ZNF385B: variants seen among roughly 807,000 people sequenced by gnomAD.
ZNF385B encodes zinc finger protein 385B.
ZNF385B carries 23 observed loss-of-function variants against 39.2 expected under a neutral mutation model. That is an observed-to-expected ratio of 0.59 (90% CI 0.42 to 0.83). The LOEUF (loss-of-function observed/expected upper bound fraction) is 0.83, where lower values mean the gene tolerates loss of function less well. Ranked by LOEUF, ZNF385B falls within the 40% of genes least tolerant of loss-of-function variation. The probability of loss-of-function intolerance (pLI) is 0.00; values close to 1 mark genes in which losing one functional copy is unlikely to be tolerated. For synonymous variants in ZNF385B, 205 were observed against 222.6 expected (o/e 0.92, Z 0.70); for missense variants, 552 against 598.9 (o/e 0.92, Z 0.82).
At chr2:179,675,791 ATT>A (rs55819457) in intron 3 of ZNF385B, among the ~76,000 whole-genome samples, 19,404 of 142,488 alleles carry the variant, frequency 0.14, 1,900 homozygotes, top group African/African-American at 0.28. Context: ...ACTGACAGTA[ATT>A]TTTTTTTTTT....
chr2:179,835,918 C>T (rs1708223433), intron 1 of ZNF385B, among the ~76,000 whole-genome samples: 1 of 152,144 alleles, frequency 6.6e-6, no homozygotes, highest in Admixed American at 6.5e-5. Flanking sequence ...ATGAGATACA[C>T]CCTCTTCACA....
rs570428778 is a variant in ZNF385B at position 179,735,051 on chromosome 2, A to C, written c.298+34452T>G. On this transcript the variant is annotated intron_variant, in intron 3 of 9. Coordinates refer to ENST00000410066, the MANE Select transcript of ZNF385B (RefSeq NM_152520.6). ...CAAATGGGATCTAATTAAACTAAAG[A>C]GCTTCTGCACAGCAAAAGAAACTAC... Among the ~76,000 whole-genome samples the C allele has an allele frequency of 1.3e-3, 199 of 152,094 alleles. 4 individuals carry two copies. Among genetic ancestry groups the C allele is most frequent in the Admixed American group, 6.5e-3 (100 of 15,288 alleles).
chr2:179,667,172 A>G (rs1309644453), intron 3 of ZNF385B, among the ~76,000 whole-genome samples: 1 of 152,190 alleles, frequency 6.6e-6, no homozygotes, highest in East Asian at 1.9e-4. Flanking sequence ...AGATATTGAT[A>G]TGCTATTTCT....
intron 1 of ZNF385B, among the ~76,000 whole-genome samples, chr2:179,813,062 T>C (rs1433677275): frequency 6.6e-6 from 1 of 152,174 alleles, no homozygotes; most frequent in Non-Finnish European, 1.5e-5. Context: ...TAGTCACATT[T>C]AAAAATATTT....
chr2:179,778,040 G>A (rs1217600002), intron 1 of ZNF385B, among the ~76,000 whole-genome samples: 2 of 152,056 alleles, frequency 1.3e-5, no homozygotes, highest in East Asian at 1.9e-4. Context: ...CTGTCAAGAG[G>A]TTTTTTTTAA....
intron 4 of ZNF385B, among the ~76,000 whole-genome samples, chr2:179,532,713 C>T (rs1040061239): frequency 1.3e-5 from 2 of 152,156 alleles, no homozygotes; most frequent in Non-Finnish European, 2.9e-5. Flanking sequence ...AATACCTACA[C>T]CTGACAACAC....
At chr2:179,564,576 C>A (rs1684337854) in intron 3 of ZNF385B, among the ~76,000 whole-genome samples, 1 of 152,146 alleles carries the variant, frequency 6.6e-6, no homozygotes, top group South Asian at 2.1e-4. Context: ...CTTTTAACTT[C>A]TTTTAGAGTA....
chr2:179,464,095 T>C (rs2051686142), intron 6 of ZNF385B, among the ~76,000 whole-genome samples: 1 of 152,242 alleles, frequency 6.6e-6, no homozygotes, highest in Non-Finnish European at 1.5e-5. Context: ...ATTTCTCTAA[T>C]GACCAGTGAT....
intron 1 of ZNF385B, among the ~76,000 whole-genome samples, chr2:179,821,787 C>T (rs147043826): frequency 4.7e-4 from 71 of 152,080 alleles, no homozygotes; most frequent in African/African-American, 1.7e-3. Flanking sequence ...AAGCAGAAGT[C>T]CCCAAGGAAA....
At chr2:179,606,615 C>T (rs1344064683) in intron 3 of ZNF385B, among the ~76,000 whole-genome samples, 1 of 152,088 alleles carries the variant, frequency 6.6e-6, no homozygotes, top group African/African-American at 2.4e-5. Flanking sequence ...TTAATAGCTA[C>T]ATGTCATTCT....
chr2:179,787,598 A>C (rs28420148), intron 1 of ZNF385B, among the ~76,000 whole-genome samples: 21,237 of 152,052 alleles, frequency 0.14, 1,910 homozygotes, highest in East Asian at 0.49. Flanking sequence ...AAGATAATAG[A>C]ATGAAAGCTT....
chr2:179,584,864 T>A (rs1254793921), intron 3 of ZNF385B, among the ~76,000 whole-genome samples: 1 of 151,588 alleles, frequency 6.6e-6, no homozygotes, highest in South Asian at 2.1e-4. Context: ...CCAGGGAGAG[T>A]GTAGTGTTTG....
chr2:179,753,749 A>G (rs1352640566), intron 3 of ZNF385B, among the ~76,000 whole-genome samples: 1 of 152,214 alleles, frequency 6.6e-6, no homozygotes, highest in Non-Finnish European at 1.5e-5. Context: ...TTATTGGTGT[A>G]TAAGAATGCT....
intron 3 of ZNF385B, among the ~76,000 whole-genome samples, chr2:179,562,960 G>T (rs999837908): frequency 2.6e-5 from 4 of 152,048 alleles, no homozygotes; most frequent in Non-Finnish European, 5.9e-5. Flanking sequence ...TTTATATTCT[G>T]TTAGACTAGA....
chr2:179,690,390 T>A (rs1458401321), intron 3 of ZNF385B, among the ~76,000 whole-genome samples: 1 of 152,192 alleles, frequency 6.6e-6, no homozygotes, highest in Admixed American at 6.5e-5. Flanking sequence ...CATACTCAAG[T>A]CTCACAGTTG....
At chr2:179,543,551 A>G (rs1397498114) in intron 4 of ZNF385B, among the ~76,000 whole-genome samples, 1 of 152,208 alleles carries the variant, frequency 6.6e-6, no homozygotes, top group African/African-American at 2.4e-5. Flanking sequence ...ATTCTTTGAA[A>G]TGGCGTAATG....
intron 3 of ZNF385B, among the ~76,000 whole-genome samples, chr2:179,739,347 T>A (rs1701951884): frequency 6.6e-6 from 1 of 152,172 alleles, no homozygotes; most frequent in South Asian, 2.1e-4. Flanking sequence ...ATGAGGTACC[T>A]CGGGGTTTAT....
intron 5 of ZNF385B, among the ~76,000 whole-genome samples, chr2:179,491,487 TTGA>T (rs2055223002): frequency 1.3e-5 from 2 of 152,168 alleles, no homozygotes; most frequent in Non-Finnish European, 2.9e-5. Flanking sequence ...AATAATGCAC[TTGA>T]TGAACTATAT....
At chr2:179,669,792 A>G (rs1695671707) in intron 3 of ZNF385B, among the ~76,000 whole-genome samples, 1 of 152,198 alleles carries the variant, frequency 6.6e-6, no homozygotes, top group African/African-American at 2.4e-5. Context: ...AACATTTCCA[A>G]ACTTCTTTTA....
Sources: gnomAD v4.1 joint callset for allele counts (sites outside exome capture counted in the v4.1 genomes callset) on GRCh38, gnomAD v4.1.1 for gene constraint, MANE v1.5 for transcripts, NCBI Gene and HGNC (gene_info 2026-07-23, HGNC 2026-07-21) for gene names.